Variants in ELFN1 observed in about 807,000 individuals in gnomAD.
The protein encoded by ELFN1 is extracellular leucine rich repeat and fibronectin type III domain containing 1.
In ELFN1, 6 loss-of-function variants were observed where a neutral mutation model predicts 7.6. The observed-to-expected ratio is 0.79, with a 90% CI of 0.43 to 1.56. ELFN1 has a LOEUF of 1.56. Among genes scored for constraint, ELFN1 ranks in the 40% most tolerant of loss-of-function variants. ELFN1 has a pLI of 0.01. For missense variants in ELFN1, 1,169 were observed against 1,232.2 expected (o/e 0.95, Z 0.77); for synonymous variants, 657 against 588.1 (o/e 1.12, Z -1.70).
At chr7:1,669,970 C>G (rs1279403147), upstream of ELFN1, among the ~76,000 whole-genome samples, 2 of 151,468 alleles carry the variant, frequency 1.3e-5, no homozygotes, top group Non-Finnish European at 2.9e-5. Context: ...CCCTCCTTCC[C>G]CAGCCCCTGC....
intron 1 of ELFN1, among the ~76,000 whole-genome samples, chr7:1,674,857 C>T (rs890209086): frequency 2.0e-5 from 3 of 152,258 alleles, no homozygotes; most frequent in Non-Finnish European, 4.4e-5. Context: ...AAACATCCTT[C>T]GGCCCGGGCC....
Position 1,745,955 on chromosome 7 carries a change from C to A in ELFN1, c.1359C>A (p.Ala453=). The A allele has an allele frequency of 6.5e-7, 1 of 1,548,646 alleles. No homozygotes were observed. Among genetic ancestry groups the A allele is most frequent in the South Asian group, 1.2e-5 (1 of 84,014 alleles). The part of the protein sequence containing the change: ...RRRQEEKHKK[A]ASAAAAGSLK... ...GCCAGGAGGAGAAGCACAAGAAGGCCGCCTCGGCAGCCGCAGCTGGCAGCC... is the reference window on the plus strand; with the variant it reads ...GCCAGGAGGAGAAGCACAAGAAGGCAGCCTCGGCAGCCGCAGCTGGCAGCC... The change falls in exon 4 of 4, where the codon GCC becomes GCA. Residue 453 remains alanine (A), a synonymous_variant. Coordinates refer to ENST00000424383, the MANE Select transcript of ELFN1 (RefSeq NM_001128636.4).
intron 3 of ELFN1, among the ~76,000 whole-genome samples, chr7:1,717,445 C>G (rs1202996505): frequency 6.6e-6 from 1 of 152,188 alleles, no homozygotes; most frequent in African/African-American, 2.4e-5. Flanking sequence ...CAGGAAGGGG[C>G]AGGTGGAGGT....
At chr7:1,674,634 C>A (rs1158495143) in intron 1 of ELFN1, among the ~76,000 whole-genome samples, 1 of 151,988 alleles carries the variant, frequency 6.6e-6, no homozygotes, top group Non-Finnish European at 1.5e-5. Flanking sequence ...TGGACGGTGA[C>A]CCCCCCGCCC....
At chr7:1,733,914 T>A (rs950852912) in intron 3 of ELFN1, among the ~76,000 whole-genome samples, 1 of 151,980 alleles carries the variant, frequency 6.6e-6, no homozygotes, top group African/African-American at 2.4e-5. Context: ...TAGCAGGAGG[T>A]CCTGTTCTAC....
At chr7:1,677,099 C>T (rs925647964) in intron 1 of ELFN1, among the ~76,000 whole-genome samples, 12 of 152,136 alleles carry the variant, frequency 7.9e-5, no homozygotes, top group Non-Finnish European at 1.6e-4. Flanking sequence ...AGCTACATTC[C>T]TATAGAGAAA....
Position 1,709,645 on chromosome 7 carries a change from G to A in ELFN1, c.-294+393G>A, listed in dbSNP as rs564833425. On this transcript the variant is annotated intron_variant, in intron 3 of 3. Coordinates refer to ENST00000424383, the MANE Select transcript of ELFN1 (RefSeq NM_001128636.4). ...ATCAGATATGGTCCAGTGTTTGAGC[G>A]TAAAACCACTATGTGAATAACACGG... Among the ~76,000 whole-genome samples, 9 of 152,362 alleles carry A rather than the reference G, an allele frequency of 5.9e-5. No homozygotes were observed. The South Asian group carries it at 6.2e-4, about 11-fold the overall frequency.
At chr7:1,687,013 G>A (rs1779073155) in intron 1 of ELFN1, among the ~76,000 whole-genome samples, 1 of 151,770 alleles carries the variant, frequency 6.6e-6, no homozygotes, top group Admixed American at 6.6e-5. Context: ...CCAGACGAGA[G>A]TCTGTGCCTT....
At chr7:1,741,301 C>T (rs1338001950) in intron 3 of ELFN1, among the ~76,000 whole-genome samples, 1 of 152,190 alleles carries the variant, frequency 6.6e-6, no homozygotes, top group Non-Finnish European at 1.5e-5. Context: ...GATCTCCCTG[C>T]CCAGGAGACT....
In ELFN1 at chr7:1,695,574, C is replaced by T. The variant is rs540210384; in HGVS notation, c.-456+7424C>T. On this transcript the variant is annotated intron_variant, in intron 2 of 3. Coordinates refer to ENST00000424383, the MANE Select transcript of ELFN1 (RefSeq NM_001128636.4). This position sits in a 1 kb window ranked among gnomAD's most constrained non-coding sequence, Gnocchi z 5.1. ...AAGCCTGGCCAACATGGAGAAACCCCGTCTCTACTAAAAAATACAAAAATT... is the reference window on the plus strand; with the variant it reads ...AAGCCTGGCCAACATGGAGAAACCCTGTCTCTACTAAAAAATACAAAAATT... 5.3e-5 allele frequency among the ~76,000 whole-genome samples: 8 copies of T among 152,022 alleles called. No homozygotes were observed. Among genetic ancestry groups the T allele is most frequent in the Admixed American group, 2.6e-4 (4 of 15,282 alleles).
chr7:1,746,439 G>A lies in ELFN1; in HGVS notation c.1843G>A (p.Gly615Arg), dbSNP rs973943329. The change falls in exon 4 of 4, where the codon GGG (glycine) becomes AGG (arginine). Residue 615 changes from glycine to arginine, a missense_variant. Physicochemically the swap from Gly to Arg is moderately radical, Grantham distance 125. Transcript: ENST00000424383. Reference protein sequence around the residue: ...LAAKHGFLAPGYKDAFGHSLQ... With the variant: ...LAAKHGFLAPRYKDAFGHSLQ... ...CGCCAAGCACGGCTTCCTGGCGCCC[G>A]GGTACAAGGACGCCTTCGGCCACAG... 12 of 1,530,390 alleles carry A rather than the reference G, an allele frequency of 7.8e-6. No homozygotes were observed. The highest frequency in any genetic ancestry group is 2.5e-5 in the East Asian group (1 of 40,596). 94.8% of individuals were successfully genotyped at this position (1,530,390 alleles called of 1,614,324 possible). A position where few individuals can be genotyped will look rare whatever the true frequency, so the allele number is the denominator to read the frequency against.
At chr7:1,703,654 C>T (rs1779472609) in intron 2 of ELFN1, among the ~76,000 whole-genome samples, 1 of 152,118 alleles carries the variant, frequency 6.6e-6, no homozygotes, top group Non-Finnish European at 1.5e-5. Context: ...TCTGTCGGTG[C>T]TGAGCGGGGG....
intron 2 of ELFN1, among the ~76,000 whole-genome samples, chr7:1,697,938 G>T (rs1779352699): frequency 6.6e-6 from 1 of 152,210 alleles, no homozygotes; most frequent in Admixed American, 6.5e-5. Flanking sequence ...AGACAGACAG[G>T]GCAGTGGGGC....
Position 1,746,754 on chromosome 7 carries a change from G to A in ELFN1, c.2158G>A (p.Gly720Arg), listed in dbSNP as rs1780813074. 6.7e-6 allele frequency: 10 copies of A among 1,499,780 alleles called. No individual in the cohort carries two copies. The highest frequency in any genetic ancestry group is 1.4e-5 in the African/African-American group (1 of 69,206). 92.9% of individuals were successfully genotyped at this position (1,499,780 alleles called of 1,614,324 possible). Residue 720 changes from glycine (G) to arginine (R), a missense_variant, in exon 4 of 4, where the codon GGG (glycine) becomes AGG (arginine). By Grantham distance (125) the Gly-to-Arg change is moderately radical. This residue lies in a region of ELFN1 where 914 missense variants were observed against 872.6 expected (regional missense o/e 1.05). Coordinates refer to ENST00000424383, the MANE Select transcript of ELFN1 (RefSeq NM_001128636.4). ...SHPAEPPAPP[G>R]PPPPPPHEGL... ...CCCGGCCGAGCCACCTGCGCCCCCC[G>A]GGCCACCGCCGCCGCCTCCGCACGA... is the stretch of plus-strand genomic sequence containing the variant.
At chr7:1,683,323 C>G (rs1037751980) in intron 1 of ELFN1, among the ~76,000 whole-genome samples, 1 of 151,978 alleles carries the variant, frequency 6.6e-6, no homozygotes, top group Admixed American at 6.6e-5. Flanking sequence ...CTTGTTATGT[C>G]TTAGTTTAGT....
intron 1 of ELFN1, among the ~76,000 whole-genome samples, chr7:1,679,175 G>A (rs987660599): frequency 5.7e-5 from 8 of 141,564 alleles, no homozygotes; most frequent in South Asian, 2.1e-4. Flanking sequence ...ACACACGTAC[G>A]CGCGCACACA....
chr7:1,718,858 C>T (rs1779915621), intron 3 of ELFN1, among the ~76,000 whole-genome samples: 1 of 152,220 alleles, frequency 6.6e-6, no homozygotes, highest in South Asian at 2.1e-4. Flanking sequence ...GCATCCTATC[C>T]TGGACAGAAG....
intron 3 of ELFN1, among the ~76,000 whole-genome samples, chr7:1,710,702 C>G (rs1779630963): frequency 1.3e-5 from 2 of 152,212 alleles, no homozygotes; most frequent in Admixed American, 6.5e-5. Flanking sequence ...CCACGTCTTT[C>G]TCTTTCCTTC....
chr7:1,668,828 C>T (rs1258686964), upstream of ELFN1, among the ~76,000 whole-genome samples: 1 of 152,244 alleles, frequency 6.6e-6, no homozygotes, highest in East Asian at 1.9e-4. Context: ...TTAGGTGTTC[C>T]AAACCACCGG....
Sources: gnomAD v4.1 joint callset for allele counts (sites outside exome capture counted in the v4.1 genomes callset) on GRCh38, gnomAD v4.1.1 for gene constraint, gnomAD v4.1.1 regional missense constraint, Gnocchi (gnomAD v3.1) non-coding constraint, MANE v1.5 for transcripts, NCBI Gene and HGNC (gene_info 2026-07-23, HGNC 2026-07-21) for gene names.